The following HNRNPAB variants were observed in gnomAD, a reference collection of about 807,000 sequenced individuals.
HNRNPAB encodes heterogeneous nuclear ribonucleoprotein A/B.
A neutral mutation model predicts 44.1 loss-of-function variants in HNRNPAB; 17 were observed. The observed-to-expected ratio is 0.39, with a 90% CI of 0.26 to 0.58. The LOEUF (loss-of-function observed/expected upper bound fraction) is 0.58, where lower values mean the gene tolerates loss of function less well. Among genes scored for constraint, HNRNPAB ranks in the 20% least tolerant of loss-of-function variants. HNRNPAB has a pLI of 0.63. For missense variants in HNRNPAB, 393 were observed against 432.7 expected, an observed-to-expected ratio of 0.91 and a Z score of 0.81; for synonymous variants, 183 against 167.6, an observed-to-expected ratio of 1.09 and a Z score of -0.71.
rs539361324 is a variant in HNRNPAB, at chr5:178,206,748, A to G, written c.395A>G (p.Glu132Gly). 1 of 1,613,914 alleles carries G rather than the reference A, an allele frequency of 6.2e-7. No homozygotes were observed. The highest frequency in any genetic ancestry group is 8.5e-7 in the Non-Finnish European group (1 of 1,180,034). Residue 132 changes from glutamate (E) to glycine (G), a missense_variant, in exon 4 of 8, where the codon GAG becomes GGG. Glu to Gly is a moderately conservative substitution (Grantham distance 98). Around this residue, in one of 3 missense-constraint regions of HNRNPAB, gnomAD observed 102 missense variants for 162.3 expected, o/e 0.63. Coordinates refer to ENST00000358344, the MANE Select transcript of HNRNPAB (RefSeq NM_031266.3). ...TTGGAACAGGTCCTAGACCAGAAGG[A>G]GCACAGGCTGGATGGCCGTGTCATT... ...ASVEKVLDQK[E>G]HRLDGRVIDP...
chr5:178,207,670 C>T (rs931278712), intron 5 of HNRNPAB, among the ~76,000 whole-genome samples: 1 of 147,022 alleles, frequency 6.8e-6, no homozygotes, highest in Non-Finnish European at 1.5e-5. Context: ...AGTCTTTGTC[C>T]ACTTCCATCC....
chr5:178,206,055 G>T (rs781296076), intron 3 of HNRNPAB, 45 bp downstream of exon 3: 16 of 1,543,428 alleles, frequency 1.0e-5, no homozygotes, highest in Admixed American at 1.8e-5. Context: ...GAAACGATTT[G>T]AATTCTAAGA....
At chr5:178,205,404 C>T (rs1205915788) in intron 2 of HNRNPAB, among the ~76,000 whole-genome samples, 1 of 152,114 alleles carries the variant, frequency 6.6e-6, no homozygotes, top group Non-Finnish European at 1.5e-5. Flanking sequence ...GGAGTTGGCG[C>T]GAGCCGGGGC....
chr5:178,206,946 G>A, intron 4 of HNRNPAB, 56 bp downstream of exon 4: 1 of 1,603,944 alleles, frequency 6.2e-7, no homozygotes, highest in African/African-American at 1.3e-5. Flanking sequence ...CCTTCTTTCT[G>A]GTCCTTGGTA....
rs1375806384 is a variant in HNRNPAB, at chr5:178,210,206, C to T, written c.862C>T (p.Pro288Ser). ...QGYGYQQGYG[P>S]GYGGYDYSPY... ...CTACGGCTACCAGCAGGGCTACGGGCCTGGCTATGGCGGCTACGACTACTC... is the reference window on the plus strand; with the variant it reads ...CTACGGCTACCAGCAGGGCTACGGGTCTGGCTATGGCGGCTACGACTACTC... The change falls in exon 7 of 8, where the codon CCT (proline) becomes TCT (serine). Residue 288 changes from proline to serine, a missense_variant. Pro to Ser is a moderately conservative substitution (Grantham distance 74, BLOSUM62 -1). Coordinates refer to ENST00000358344, the MANE Select transcript of HNRNPAB (RefSeq NM_031266.3). 3.7e-6 allele frequency: 6 copies of T among 1,612,452 alleles called. No homozygotes were observed. The highest frequency in any genetic ancestry group is 3.4e-6 in the Non-Finnish European group (4 of 1,178,598).
chr5:178,207,071 G>C, intron 4 of HNRNPAB, 23 bp from the exon 5 acceptor site: 2 of 1,613,660 alleles, frequency 1.2e-6, no homozygotes, highest in Non-Finnish European at 1.7e-6. Context: ...TATTGGGCCT[G>C]AGTTTGCCTA....
At chr5:178,207,457 G>A (rs912549435) in intron 5 of HNRNPAB, among the ~76,000 whole-genome samples, 2 of 152,170 alleles carry the variant, frequency 1.3e-5, no homozygotes, top group African/African-American at 4.8e-5. Flanking sequence ...AGGAGAAGGT[G>A]GCCTCTGTGA....
chr5:178,205,755 C>G, intron 2 of HNRNPAB, 87 bp from the exon 3 acceptor site: 1 of 1,293,996 alleles, frequency 7.7e-7, no homozygotes, highest in Non-Finnish European at 1.1e-6. Flanking sequence ...CTGTAGACTT[C>G]GTGAGAACTT....
At chr5:178,210,029 T>G in intron 6 of HNRNPAB, 103 bp from the exon 7 acceptor site, 1 of 1,514,914 alleles carries the variant, frequency 6.6e-7, no homozygotes, top group Non-Finnish European at 8.9e-7. Flanking sequence ...TCTGCCTGAG[T>G]TGCCACAGTA....
intron 7 of HNRNPAB, 115 bp from the exon 8 acceptor site, chr5:178,210,435 TGAG>T: frequency 6.6e-7 from 1 of 1,511,852 alleles, no homozygotes; most frequent in Non-Finnish European, 9.1e-7. Context: ...CTTAATAACA[TGAG>T]GAAGGCAGTC....
Position 178,209,465 on chromosome 5 carries a change from G to T in HNRNPAB, c.787+18G>T. On this transcript the variant is annotated intron_variant, in intron 6 of 7. Transcript: ENST00000358344. ...AGGTGGAGGTGAGTGGAACGTGGATGAAGATAGGTCCTGTTTCCCTGCCTA... is the reference window on the plus strand; with the variant it reads ...AGGTGGAGGTGAGTGGAACGTGGATTAAGATAGGTCCTGTTTCCCTGCCTA... 6.2e-7 allele frequency: 1 copy of T among 1,600,710 alleles called. No homozygotes were observed.
At chr5:178,205,269 G>C (rs1175427742) in intron 2 of HNRNPAB, among the ~76,000 whole-genome samples, 1 of 151,048 alleles carries the variant, frequency 6.6e-6, no homozygotes, top group East Asian at 1.9e-4. Context: ...GGGGCCGCTC[G>C]CGCGCTGCCA....
chr5:178,206,937 CTTCT>C (rs1451051212), intron 4 of HNRNPAB, 47 bp downstream of exon 4: 1 of 1,606,852 alleles, frequency 6.2e-7, no homozygotes, highest in East Asian at 2.2e-5. Context: ...CTAAGGCTGC[CTTCT>C]TTCTGGTCCT....
At chr5:178,205,781 T>C (rs748168656) in intron 2 of HNRNPAB, 61 bp from the exon 3 acceptor site, 1 of 1,558,046 alleles carries the variant, frequency 6.4e-7, no homozygotes, top group Admixed American at 1.7e-5. Context: ...GGGCCAGTCC[T>C]TTCCAAAATC....
rs1157635437 is a variant in HNRNPAB, at chr5:178,210,259, C to T, written c.915C>T (p.Pro305=). 6.8e-6 allele frequency: 11 copies of T among 1,613,952 alleles called. No individual in the cohort carries two copies. The highest frequency in any genetic ancestry group is 1.7e-5 in the Admixed American group (1 of 59,988). ...CCTATGGCTATTACGGCTACGGCCCCGGCTACGACTACAGTAAGTAGGAGA... is the reference window on the plus strand; with the variant it reads ...CCTATGGCTATTACGGCTACGGCCCTGGCTACGACTACAGTAAGTAGGAGA... ...YSPYGYYGYG[P]GYDYSQGSTN... The change falls in exon 7 of 8, where the codon CCC becomes CCT. Residue 305 remains proline, a synonymous_variant. Transcript: ENST00000358344.
chr5:178,206,131 A>T lies in HNRNPAB; in HGVS notation c.378+121A>T, dbSNP rs1003514293. ...ATGTGATTTAAGTGCTTTGGGCAAA[A>T]CCCAAAGCCGGAGGTTATGTTCCGG... is the stretch of plus-strand genomic sequence containing the variant. On this transcript the variant is annotated intron_variant, in intron 3 of 7. Coordinates refer to ENST00000358344, the MANE Select transcript of HNRNPAB (RefSeq NM_031266.3). 6.6e-6 allele frequency: 6 copies of T among 909,930 alleles called. No individual in the cohort carries two copies. The African/African-American group carries it at 1.0e-4, about 15-fold the overall frequency. 56.4% of individuals were successfully genotyped at this position (909,930 alleles called of 1,614,324 possible). A position where few individuals can be genotyped will look rare whatever the true frequency, so the allele number is the denominator to read the frequency against.
chr5:178,209,507 C>A, intron 6 of HNRNPAB, 60 bp downstream of exon 6: 2 of 1,444,090 alleles, frequency 1.4e-6, no homozygotes, highest in Non-Finnish European at 1.9e-6. Context: ...GCCTTCCAAG[C>A]CTGTCTTGGG....
Position 178,210,776 on chromosome 5 carries a change from T to C in HNRNPAB, c.*153T>C. The C allele has an allele frequency of 1.5e-6, 1 of 668,706 alleles. No individual in the cohort carries two copies. Among genetic ancestry groups the C allele is most frequent in the Admixed American group, 2.2e-5 (1 of 46,342 alleles). The allele number at this position is 668,706 out of a possible 1,614,324, so 41.4% of individuals were successfully genotyped here. ...TTCCCCCATGGAAATCACTCTCCTG[T>C]TGACTATTTCCAGAGCTCTAGGTGT... On this transcript the variant is annotated 3_prime_UTR_variant, in exon 8 of 8. Transcript: ENST00000358344.
At chr5:178,206,272 C>G (rs1471061450) in intron 3 of HNRNPAB, among the ~76,000 whole-genome samples, 1 of 152,148 alleles carries the variant, frequency 6.6e-6, no homozygotes. Context: ...GGGTACGGCG[C>G]TAAACATCTG....
Sources: gnomAD v4.1 joint callset for allele counts (sites outside exome capture counted in the v4.1 genomes callset) on GRCh38, gnomAD v4.1.1 for gene constraint, gnomAD v4.1.1 regional missense constraint, MANE v1.5 for transcripts, NCBI Gene and HGNC (gene_info 2026-07-23, HGNC 2026-07-21) for gene names.